ARHGEF33: variants seen among roughly 807,000 people sequenced by gnomAD.
The protein encoded by ARHGEF33 is Rho guanine nucleotide exchange factor 33.
ARHGEF33 carries 72 observed loss-of-function variants against 101.9 expected under a neutral mutation model. The observed-to-expected ratio is 0.71, with a 90% CI of 0.58 to 0.86. ARHGEF33 has a LOEUF of 0.86. Ranked by LOEUF, ARHGEF33 falls within the 40% of genes least tolerant of loss-of-function variation. The probability of loss-of-function intolerance (pLI) is 0.00; values close to 1 mark genes in which losing one functional copy is unlikely to be tolerated. For synonymous variants in ARHGEF33, 499 were observed against 442.5 expected, an observed-to-expected ratio of 1.13 and a Z score of -1.60; for missense variants, 1,169 against 1,111.3, an observed-to-expected ratio of 1.05 and a Z score of -0.74.
chr2:38,930,953 G>A (rs1254617775), intron 6 of ARHGEF33, among the ~76,000 whole-genome samples, 156 bp from the exon 7 acceptor site: 2 of 152,170 alleles, frequency 1.3e-5, no homozygotes, highest in Non-Finnish European at 1.5e-5. Context: ...CATATGAATT[G>A]CTAGTATTTG....
intron 9 of ARHGEF33, among the ~76,000 whole-genome samples, chr2:38,943,246 G>A (rs1488890794): frequency 2.6e-5 from 4 of 152,168 alleles, no homozygotes; most frequent in Admixed American, 1.3e-4. Context: ...ACCTCTTTGT[G>A]TCAGTGTCTG....
chr2:38,932,919 A>G (rs975588813), intron 7 of ARHGEF33, among the ~76,000 whole-genome samples: 1 of 152,172 alleles, frequency 6.6e-6, no homozygotes, highest in Non-Finnish European at 1.5e-5. Context: ...GAAATTTAAG[A>G]ATAATGTGCC....
At chr2:38,892,017 A>G (rs1666016021) in intron 1 of ARHGEF33, among the ~76,000 whole-genome samples, 1 of 152,244 alleles carries the variant, frequency 6.6e-6, no homozygotes, top group Non-Finnish European at 1.5e-5. Context: ...CTTTACTGAC[A>G]AAAAGACAGG....
At chr2:38,916,928 G>A (rs1395784521) in intron 2 of ARHGEF33, among the ~76,000 whole-genome samples, 1 of 151,678 alleles carries the variant, frequency 6.6e-6, no homozygotes, top group Non-Finnish European at 1.5e-5. Flanking sequence ...AGCCTCCTGA[G>A]TAGCTGGGAT....
At chr2:38,937,313 G>GGGGGGGGC in intron 8 of ARHGEF33, 22 bp from the exon 9 acceptor site, 1 of 568,618 alleles carries the variant, frequency 1.8e-6, no homozygotes. Context: ...TTGTTTCCCC[G>GGGGGGGGC]CCCCTCCCCC....
chr2:38,953,641 G>A (rs929133686), intron 12 of ARHGEF33, among the ~76,000 whole-genome samples: 1 of 152,168 alleles, frequency 6.6e-6, no homozygotes, highest in African/African-American at 2.4e-5. Context: ...CTCTAGTCAT[G>A]TTGCTTGAAG....
chr2:38,910,029 T>C (rs768252175), intron 2 of ARHGEF33, among the ~76,000 whole-genome samples: 7 of 152,152 alleles, frequency 4.6e-5, no homozygotes, highest in Non-Finnish European at 7.3e-5. Context: ...CAGAACCTCA[T>C]AGAATAAATT....
At chr2:38,952,068 C>T (rs1325339100) in intron 11 of ARHGEF33, among the ~76,000 whole-genome samples, 1 of 152,112 alleles carries the variant, frequency 6.6e-6, no homozygotes, top group Non-Finnish European at 1.5e-5. Flanking sequence ...ACTAGAGTTG[C>T]CAGAGCTTCT....
At chr2:38,929,169 G>T in intron 5 of ARHGEF33, 98 bp downstream of exon 5, 5 of 880,006 alleles carry the variant, frequency 5.7e-6, no homozygotes, top group Non-Finnish European at 8.6e-6. Flanking sequence ...GGTGGCTCAC[G>T]CCTGTAATCC....
intron 2 of ARHGEF33, among the ~76,000 whole-genome samples, chr2:38,909,706 A>T (rs796339530): frequency 2.5e-4 from 28 of 111,816 alleles, no homozygotes; most frequent in African/African-American, 8.4e-4. Flanking sequence ...TTCAAGGATG[A>T]TTTTTTTTTT....
chr2:38,895,714 T>A (rs1666106733), intron 1 of ARHGEF33, 63 bp from the exon 2 acceptor site: 1 of 151,720 alleles, frequency 6.6e-6, no homozygotes, highest in Non-Finnish European at 1.5e-5. Context: ...TAGGAAAAAA[T>A]GATGGTATAA....
intron 2 of ARHGEF33, among the ~76,000 whole-genome samples, chr2:38,914,001 A>G (rs1337333910): frequency 1.3e-5 from 2 of 152,202 alleles, no homozygotes; most frequent in Non-Finnish European, 2.9e-5. Context: ...TAGTAAGTAT[A>G]CGATATAGAG....
chr2:38,893,552 A>G (rs963668307), intron 1 of ARHGEF33, among the ~76,000 whole-genome samples: 2 of 152,130 alleles, frequency 1.3e-5, no homozygotes, highest in African/African-American at 4.8e-5. Context: ...AATCCCCACA[A>G]GGGAATTCAT....
chr2:38,961,928 C>T (rs975459455), intron 16 of ARHGEF33, among the ~76,000 whole-genome samples: 1 of 151,974 alleles, frequency 6.6e-6, no homozygotes, highest in African/African-American at 2.4e-5. Flanking sequence ...TTTTCTCTGG[C>T]ATACTGTGCC....
At chr2:38,895,390 G>T (rs999182919) in intron 1 of ARHGEF33, among the ~76,000 whole-genome samples, 2 of 152,186 alleles carry the variant, frequency 1.3e-5, no homozygotes, top group Non-Finnish European at 2.9e-5. Flanking sequence ...TATTAGAAAA[G>T]ACTCTAGATT....
intron 11 of ARHGEF33, among the ~76,000 whole-genome samples, chr2:38,952,363 G>C (rs1049109503): frequency 6.6e-6 from 1 of 152,114 alleles, no homozygotes; most frequent in South Asian, 2.1e-4. Context: ...TAGAAGCTGA[G>C]AATGATTTTC....
At chr2:38,960,747 C>A in intron 16 of ARHGEF33, 99 bp downstream of exon 16, 1 of 1,004,000 alleles carries the variant, frequency 1.0e-6, no homozygotes, top group Non-Finnish European at 1.2e-6. Flanking sequence ...GGAGCGGGGC[C>A]GGGCCAGGCT....
chr2:38,962,176 T>G (rs151064320), intron 16 of ARHGEF33, among the ~76,000 whole-genome samples: 99 of 152,328 alleles, frequency 6.5e-4, no homozygotes, highest in African/African-American at 2.1e-3. Context: ...AGGCAGAATT[T>G]CTTGGAGAAA....
chr2:38,966,230 T>C, intron 17 of ARHGEF33, 85 bp downstream of exon 17: 1 of 1,468,000 alleles, frequency 6.8e-7, no homozygotes, highest in South Asian at 1.4e-5. Flanking sequence ...AAGTATCAAG[T>C]AGCCTGGTCT....
Sources: allele counts gnomAD v4.1 joint callset (sites outside exome capture counted in the v4.1 genomes callset), GRCh38; gene constraint gnomAD v4.1.1; transcripts MANE v1.5; gene names NCBI Gene and HGNC (gene_info 2026-07-23, HGNC 2026-07-21).